ANKRD36B: variants seen among roughly 807,000 people sequenced by gnomAD.
ANKRD36B encodes the protein ankyrin repeat domain 36B, also known as ankyrin repeat domain-containing protein 36B.
In ANKRD36B, 37 loss-of-function variants were observed where a neutral mutation model predicts 135.7. The observed-to-expected ratio is 0.27, with a 90% CI of 0.21 to 0.36. ANKRD36B has a LOEUF of 0.36. ANKRD36B is among the 10% of genes least tolerant of loss of function. The pLI is 1.00. For synonymous variants in ANKRD36B, 179 were observed against 348.1 expected (o/e 0.51, Z 5.41); for missense variants, 549 against 1,037.1 (o/e 0.53, Z 6.46).
chr2:97,569,696 GC>G (rs563293113), intron 6 of ANKRD36B, among the ~76,000 whole-genome samples: 4 of 152,174 alleles, frequency 2.6e-5, no homozygotes, highest in African/African-American at 9.6e-5. Context: ...TTTCAATATT[GC>G]TGAGAATATT....
intron 16 of ANKRD36B, 32 bp downstream of exon 16, chr2:97,553,136 A>T: frequency 6.3e-7 from 1 of 1,599,320 alleles, no homozygotes; most frequent in Non-Finnish European, 8.5e-7. Flanking sequence ...ATCTGGATTG[A>T]ACATGACATT....
rs770553675 is a variant in ANKRD36B at position 97,553,329 on chromosome 2, G to T, written c.1200+14C>A. ...AGATTTACTAGTTCACAACATAAAT[G>T]AGAGTTCAATTACCTTCAAGGCTTG... is the stretch of plus-strand genomic sequence containing the variant. On this transcript the variant is annotated intron_variant, in intron 15 of 43. Transcript: ENST00000359901. The T allele has an allele frequency of 6.2e-7, 1 of 1,609,402 alleles. No homozygotes were observed. The highest frequency in any genetic ancestry group is 1.7e-5 in the Admixed American group (1 of 59,788).
chr2:97,545,938 A>T, intron 22 of ANKRD36B, 77 bp from the exon 23 acceptor site: 2 of 938,308 alleles, frequency 2.1e-6, no homozygotes. Flanking sequence ...CAGTGTTAGC[A>T]TCAACCTCTG....
intron 35 of ANKRD36B, chr2:97,524,501 T>A (rs2078087323): frequency 1.0e-5 from 1 of 96,130 alleles, no homozygotes; most frequent in Admixed American, 9.2e-5. Flanking sequence ...CGAAGGTGAC[T>A]GGCAAGCATA....
At chr2:97,525,708 C>T (rs144860324) in intron 35 of ANKRD36B, among the ~76,000 whole-genome samples, 1 of 97,378 alleles carries the variant, frequency 1.0e-5, no homozygotes, top group African/African-American at 3.1e-5. Flanking sequence ...CCTAATACTG[C>T]ACTTTTCCAA....
chr2:97,547,715 T>C lies in ANKRD36B; in HGVS notation c.1494A>G (p.Pro498=). 2 of 1,562,124 alleles carry C rather than the reference T, an allele frequency of 1.3e-6. No individual in the cohort carries two copies. Among genetic ancestry groups the C allele is most frequent in the East Asian group, 2.4e-5 (1 of 42,342 alleles). Reference sequence around the variant, plus strand: ...ACAGTTTCATTACCTTCAAGCCTGGTGGTTGCTCAAAAGACACTGAAAAGT... The same window carrying C: ...ACAGTTTCATTACCTTCAAGCCTGGCGGTTGCTCAAAAGACACTGAAAAGT... The part of the protein sequence containing the change: ...EKSRTVSFEQ[P]PGLKATRDEK... Residue 498 remains proline (P), a synonymous_variant, in exon 21 of 44, where the codon CCA becomes CCG. Coordinates refer to ENST00000359901, the MANE Select transcript of ANKRD36B (RefSeq NM_001393939.1).
At chr2:97,573,383 A>G (rs1307818377) in intron 6 of ANKRD36B, among the ~76,000 whole-genome samples, 1 of 152,138 alleles carries the variant, frequency 6.6e-6, no homozygotes, top group African/African-American at 2.4e-5. Flanking sequence ...TCAATGAAAT[A>G]AAAGAGGATA....
Position 97,537,625 on chromosome 2 carries a change from C to T in ANKRD36B, c.2089+543G>A, listed in dbSNP as rs186335538. Among the ~76,000 whole-genome samples the T allele has an allele frequency of 2.4e-3, 231 of 96,016 alleles. 83 individuals are homozygous for T. Among genetic ancestry groups the T allele is most frequent in the Non-Finnish European group, 5.0e-3 (182 of 36,170 alleles). The allele number at this position is 96,016 out of a possible 152,430, so 63.0% of individuals were successfully genotyped here. ...TCTAAATGCATGTGAAGTGAGTTCA[C>T]TCAGGCTTCCTCAGCAGAAACCCCA... is the stretch of plus-strand genomic sequence containing the variant. On this transcript the variant is annotated intron_variant, in intron 32 of 43. Coordinates refer to ENST00000359901, the MANE Select transcript of ANKRD36B (RefSeq NM_001393939.1).
chr2:97,566,472 T>A (rs2081439056), intron 6 of ANKRD36B, among the ~76,000 whole-genome samples: 1 of 152,162 alleles, frequency 6.6e-6, no homozygotes, highest in Non-Finnish European at 1.5e-5. Context: ...AAATTATTAT[T>A]TATACTATTT....
chr2:97,533,938 C>G (rs184381330), intron 34 of ANKRD36B, among the ~76,000 whole-genome samples: 1 of 93,972 alleles, frequency 1.1e-5, no homozygotes, highest in Admixed American at 9.5e-5. Flanking sequence ...TGCCTGTAAT[C>G]CCAGCTACTC....
chr2:97,555,747 T>C, intron 12 of ANKRD36B, among the ~76,000 whole-genome samples: 1 of 151,952 alleles, frequency 6.6e-6, no homozygotes, highest in Non-Finnish European at 1.5e-5. Context: ...ACTTCACGTC[T>C]CTTAAGTGGA....
At chr2:97,545,355 C>T (rs2079361360) in intron 24 of ANKRD36B, among the ~76,000 whole-genome samples, 1 of 95,052 alleles carries the variant, frequency 1.1e-5, no homozygotes, top group African/African-American at 3.1e-5. Context: ...CTTTCTCTTT[C>T]CCCTCTTGAT....
intron 1 of ANKRD36B, among the ~76,000 whole-genome samples, chr2:97,587,979 A>G (rs956489357): frequency 1.4e-4 from 21 of 151,486 alleles, no homozygotes; most frequent in African/African-American, 4.4e-4. Flanking sequence ...AATGAAAATC[A>G]CTTTTTTATC....
intron 14 of ANKRD36B, 77 bp downstream of exon 14, chr2:97,554,983 C>CT: frequency 6.5e-7 from 1 of 1,528,074 alleles, no homozygotes; most frequent in South Asian, 1.2e-5. Context: ...ATGAGCCCCC[C>CT]CACTGATTTA....
At chr2:97,570,702 T>C (rs910867600) in intron 6 of ANKRD36B, among the ~76,000 whole-genome samples, 34 of 152,336 alleles carry the variant, frequency 2.2e-4, no homozygotes, top group African/African-American at 5.1e-4. Flanking sequence ...AAGCTTGTGC[T>C]TGGCTTCCCC....
rs2078765888 is a variant in ANKRD36B at position 97,534,590 on chromosome 2, C to G, written c.2191+1710G>C. 2.1e-5 allele frequency among the ~76,000 whole-genome samples: 2 copies of G among 96,944 alleles called. 1 individual carries two copies. Among genetic ancestry groups the G allele is most frequent in the South Asian group, 4.7e-4 (2 of 4,258 alleles). The allele number at this position is 96,944 out of a possible 152,430, so 63.6% of individuals were successfully genotyped here. A position where few individuals can be genotyped will look rare whatever the true frequency, so the allele number is the denominator to read the frequency against. On this transcript the variant is annotated intron_variant, in intron 34 of 43. Coordinates refer to ENST00000359901, the MANE Select transcript of ANKRD36B (RefSeq NM_001393939.1). ...GTATACGGAAAGGTGCTCGACATCACTGATCATCACAGAAATGCAAATCAA... is the reference window on the plus strand; with the variant it reads ...GTATACGGAAAGGTGCTCGACATCAGTGATCATCACAGAAATGCAAATCAA...
In ANKRD36B at chr2:97,559,788, T is replaced by G. The variant is rs568323588; in HGVS notation, c.866-794A>C. ...CCAATATTCATTGAAAATCACCACT[T>G]TAGGAGTTAATTAGAATTCAACATC... On this transcript the variant is annotated intron_variant, in intron 8 of 43. Transcript: ENST00000359901. Among the ~76,000 whole-genome samples, 139 of 152,066 alleles carry G rather than the reference T, an allele frequency of 9.1e-4. 1 individual carries two copies. Among genetic ancestry groups the G allele is most frequent in the Admixed American group, 2.1e-3 (32 of 15,230 alleles).
At chr2:97,588,009 TTG>T (rs1332654830) in intron 1 of ANKRD36B, among the ~76,000 whole-genome samples, 2 of 151,004 alleles carry the variant, frequency 1.3e-5, no homozygotes, top group Non-Finnish European at 3.0e-5. Context: ...TACACACATA[TTG>T]TCTTTTGTTA....
intron 43 of ANKRD36B, among the ~76,000 whole-genome samples, chr2:97,496,833 G>GTATATATATATATATATATATATA (rs56775263): frequency 1.6e-5 from 1 of 62,102 alleles, no homozygotes; most frequent in African/African-American, 8.8e-5. Flanking sequence ...ATATGTGTGT[G>GTATATATATATATATATATATATA]TATATATATA....
Sources: allele counts gnomAD v4.1 joint callset (sites outside exome capture counted in the v4.1 genomes callset), GRCh38; gene constraint gnomAD v4.1.1; transcripts MANE v1.5; gene names NCBI Gene and HGNC (gene_info 2026-07-23, HGNC 2026-07-21).